The following RBM7 variants were observed in gnomAD, a reference collection of about 807,000 sequenced individuals.
The protein encoded by RBM7 is RNA binding motif protein 7, also known as RNA-binding protein 7.
In RBM7, 13 loss-of-function variants were observed where a neutral mutation model predicts 31.0. That is an observed-to-expected ratio of 0.42 (90% CI 0.27 to 0.67). The LOEUF (loss-of-function observed/expected upper bound fraction) is 0.67. Among genes scored for constraint, RBM7 ranks in the 30% least tolerant of loss-of-function variants. The pLI is 0.24. For synonymous variants in RBM7, 106 were observed against 111.2 expected (o/e 0.95, Z 0.30); for missense variants, 245 against 326.2 (o/e 0.75, Z 1.92).
chr11:114,405,117 C>G (rs3863299), intron 3 of RBM7, among the ~76,000 whole-genome samples: 31,138 of 152,064 alleles, frequency 0.2, 3,374 homozygotes, highest in East Asian at 0.41. Context: ...CATATCCAGT[C>G]GATCAAATTC....
chr11:114,402,043 T>A (rs1401369110), intron 2 of RBM7, 183 bp downstream of exon 2: 1 of 565,988 alleles, frequency 1.8e-6, no homozygotes, highest in East Asian at 3.6e-5. Flanking sequence ...GATTTTGAAA[T>A]TAGAATTTCA....
At position 114,409,182 on chromosome 11, in the gene RBM7, A is replaced by AT. The variant is rs1049928817; in HGVS notation, c.*1377dup. On this transcript the variant is annotated 3_prime_UTR_variant, in exon 5 of 5. Coordinates refer to ENST00000375490, the MANE Select transcript of RBM7 (RefSeq NM_001286045.2). ...ACTTAGATTTCCTGTTTATAAATGA[A>AT]TTCAGTTTTTCTGTTTCTAAGTAAA... 5.9e-5 allele frequency: 9 copies of AT among 152,294 alleles called. No homozygotes were observed. Among genetic ancestry groups the AT allele is most frequent in the South Asian group, 2.1e-4 (1 of 4,826 alleles). The allele number at this position is 152,294 out of a possible 1,614,324, so 9.4% of individuals were successfully genotyped here.
Position 114,402,819 on chromosome 11 carries a change from T to C in RBM7, c.260-9T>C, listed in dbSNP as rs1433470980. On this transcript the variant is annotated splice_polypyrimidine_tract_variant and intron_variant, in intron 2 of 4. Transcript: ENST00000375490. ...ATCAAGAATAATTTTTCAAATTGTT[T>C]CATTTTAGGAAGTAGTCATGCCCCA... is the stretch of plus-strand genomic sequence containing the variant. 6.2e-7 allele frequency: 1 copy of C among 1,603,502 alleles called. No homozygotes were observed. Among genetic ancestry groups the C allele is most frequent in the Non-Finnish European group, 8.5e-7 (1 of 1,171,680 alleles).
intron 4 of RBM7, 23 bp from the exon 5 acceptor site, chr11:114,407,422 T>A (rs1409535282): frequency 6.3e-7 from 1 of 1,587,434 alleles, no homozygotes. Flanking sequence ...AGTATTAACA[T>A]TTCCACTTTT....
Position 114,400,680 on chromosome 11 carries a change from G to T in RBM7, c.9G>T (p.Ala3=), listed in dbSNP as rs892728384. The change falls in exon 1 of 5, where the codon GCG becomes GCT. Residue 3 remains alanine, a synonymous_variant. Transcript: ENST00000375490. The part of the protein sequence containing the change: MG[A]AAAEADRTLF... The stretch of plus-strand genomic sequence containing the variant: ...GAGGGGGCGACGCTGAGATGGGGGC[G>T]GCGGCGGCGGAAGCGGATCGCACTC... 1.2e-6 allele frequency: 2 copies of T among 1,614,078 alleles called. No individual in the cohort carries two copies. Among genetic ancestry groups the T allele is most frequent in the Admixed American group, 1.7e-5 (1 of 60,012 alleles).
chr11:114,401,307 C>G (rs1946197035), intron 1 of RBM7, among the ~76,000 whole-genome samples: 1 of 152,162 alleles, frequency 6.6e-6, no homozygotes, highest in Non-Finnish European at 1.5e-5. Context: ...TCCCCCCATC[C>G]CTATCCCCTA....
At chr11:114,401,969 G>A in intron 2 of RBM7, 109 bp downstream of exon 2, 1 of 1,175,674 alleles carries the variant, frequency 8.5e-7, no homozygotes, top group Admixed American at 3.1e-5. Context: ...CTTAAGCATT[G>A]TGAATAGTAA....
Position 114,410,323 on chromosome 11 carries a change from A to C in RBM7, c.*2516A>C, listed in dbSNP as rs1565263614. On this transcript the variant is annotated 3_prime_UTR_variant, in exon 5 of 5. Transcript: ENST00000375490. ...AAAACAGCACCATAAAATTTCTGAC[A>C]AGTACTATAGGTAAAGAAATCCCTT... 1.3e-5 allele frequency: 2 copies of C among 152,202 alleles called. No individual in the cohort carries two copies. Among genetic ancestry groups the C allele is most frequent in the East Asian group, 1.9e-4 (1 of 5,200 alleles). The allele number at this position is 152,202 out of a possible 1,614,324, so 9.4% of individuals were successfully genotyped here.
Position 114,407,997 on chromosome 11 carries a change from CAG to C in RBM7, c.*191_*192del, listed in dbSNP as rs1304411092. ...TTATTACATTAATAACCTTTCACCT[CAG>C]GGTTTTATGAAGAGGAAAGGGTTTT... On this transcript the variant is annotated 3_prime_UTR_variant, in exon 5 of 5. Transcript: ENST00000375490. 3 of 566,790 alleles carry C rather than the reference CAG, an allele frequency of 5.3e-6. No individual in the cohort carries two copies. The highest frequency in any genetic ancestry group is 5.6e-6 in the Non-Finnish European group (2 of 358,866). The allele number at this position is 566,790 out of a possible 1,614,324, so 35.1% of individuals were successfully genotyped here. A position where few individuals can be genotyped will look rare whatever the true frequency, so the allele number is the denominator to read the frequency against.
In RBM7 at chr11:114,407,599, G is replaced by A. The variant is rs772778246; in HGVS notation, c.596G>A (p.Arg199His). 9.9e-6 allele frequency: 16 copies of A among 1,613,938 alleles called. No homozygotes were observed. The highest frequency in any genetic ancestry group is 1.3e-5 in the African/African-American group (1 of 74,884). Residue 199 changes from arginine to histidine, a missense_variant, in exon 5 of 5, where the codon CGT (arginine) becomes CAT (histidine). Physicochemically the swap from Arg to His is conservative, Grantham distance 29. Transcript: ENST00000375490. Reference protein sequence around the residue: ...QWRQGTPSSQRKVRMNSYPYL... With the variant: ...QWRQGTPSSQHKVRMNSYPYL... The stretch of plus-strand genomic sequence containing the variant: ...CGCCAAGGTACACCATCATCACAGC[G>A]TAAAGTCAGAATGAATTCTTATCCC...
At chr11:114,403,961 A>T (rs1355849940) in intron 3 of RBM7, among the ~76,000 whole-genome samples, 2 of 152,228 alleles carry the variant, frequency 1.3e-5, no homozygotes, top group East Asian at 3.8e-4. Context: ...TAAGAGAAGG[A>T]GATGATATAG....
At chr11:114,401,322 C>G (rs1490233932) in intron 1 of RBM7, among the ~76,000 whole-genome samples, 1 of 152,036 alleles carries the variant, frequency 6.6e-6, no homozygotes. Flanking sequence ...CCCCTAATAA[C>G]TGGTATTGTT....
chr11:114,400,849 G>A, intron 1 of RBM7, 82 bp downstream of exon 1: 2 of 1,535,032 alleles, frequency 1.3e-6, no homozygotes, highest in East Asian at 2.3e-5. Context: ...TTTTCTTTTC[G>A]TAGCCGTCAG....
At chr11:114,404,252 C>T (rs910776481) in intron 3 of RBM7, among the ~76,000 whole-genome samples, 3 of 151,972 alleles carry the variant, frequency 2.0e-5, no homozygotes, top group African/African-American at 2.4e-5. Context: ...GGTAGCAAGG[C>T]ATTGATGTTG....
Position 114,407,444 on chromosome 11 carries a change from G to C in RBM7, c.442-1G>C. ...ACATTTCCACTTTTCCTATTCCTCA[G>C]ATGAACAGTGCTTTGAGACAAATGT... On this transcript the variant is annotated splice_acceptor_variant, in intron 4 of 4. Transcript: ENST00000375490. LOFTEE classifies it high-confidence loss of function. 1.2e-6 allele frequency: 2 copies of C among 1,606,410 alleles called. No homozygotes were observed. The highest frequency in any genetic ancestry group is 1.7e-6 in the Non-Finnish European group (2 of 1,174,742).
rs765821265 is a variant in RBM7 at position 114,400,701 on chromosome 11, C to T, written c.30C>T (p.Arg10=). ...GGGCGGCGGCGGCGGAAGCGGATCG[C>T]ACTCTCTTTGTGGGCAACCTTGAAA... is the stretch of plus-strand genomic sequence containing the variant. MGAAAAEAD[R]TLFVGNLETK... is the part of the protein sequence containing the mutation. The change falls in exon 1 of 5, where the codon CGC becomes CGT. Residue 10 remains arginine (R), a synonymous_variant. Coordinates refer to ENST00000375490, the MANE Select transcript of RBM7 (RefSeq NM_001286045.2). 6.2e-7 allele frequency: 1 copy of T among 1,614,200 alleles called. No homozygotes were observed.
chr11:114,405,636 TG>T (rs1946256624), intron 3 of RBM7, 69 bp from the exon 4 acceptor site: 2 of 1,052,830 alleles, frequency 1.9e-6, no homozygotes, highest in South Asian at 3.4e-5. Context: ...TTGAGAAATG[TG>T]TTCTGCTCAT....
At chr11:114,405,938 T>G in intron 4 of RBM7, 139 bp downstream of exon 4, 1 of 562,506 alleles carries the variant, frequency 1.8e-6, no homozygotes, top group Non-Finnish European at 3.0e-6. Context: ...AAGGCGTAAG[T>G]GAACTTTTTA....
Position 114,409,934 on chromosome 11 carries a change from T to C in RBM7, c.*2127T>C, listed in dbSNP as rs1327204058. On this transcript the variant is annotated 3_prime_UTR_variant, in exon 5 of 5. Transcript: ENST00000375490. ...CAGAAGTACAGGTTTGAGCATCCCT[T>C]ATTCAAAATGCTTGAGAAGTGTTTT... 6.6e-6 allele frequency: 1 copy of C among 152,140 alleles called. No homozygotes were observed. Among genetic ancestry groups the C allele is most frequent in the Non-Finnish European group, 1.5e-5 (1 of 68,024 alleles). The allele number at this position is 152,140 out of a possible 1,614,324, so 9.4% of individuals were successfully genotyped here.
Sources: allele counts gnomAD v4.1 joint callset (sites outside exome capture counted in the v4.1 genomes callset), GRCh38; gene constraint gnomAD v4.1.1; transcripts MANE v1.5; gene names NCBI Gene and HGNC (gene_info 2026-07-23, HGNC 2026-07-21).